The following AGPS variants were observed in gnomAD, a reference collection of about 807,000 sequenced individuals.
AGPS encodes the protein alkylglycerone phosphate synthase.
A neutral mutation model predicts 90.7 loss-of-function variants in AGPS; 26 were observed. The ratio of observed to expected loss-of-function variants is 0.29; its 90% CI spans 0.21 to 0.40. AGPS has a LOEUF of 0.40. Among genes scored for constraint, AGPS ranks in the 10% least tolerant of loss-of-function variants. The pLI, the probability that AGPS is intolerant of heterozygous loss-of-function variation, is 1.00. For synonymous variants in AGPS, 294 were observed against 285.3 expected (o/e 1.03, Z -0.31); for missense variants, 540 against 816.1 (o/e 0.66, Z 4.12).
intron 17 of AGPS, among the ~76,000 whole-genome samples, chr2:177,517,950 C>T (rs1472398160): frequency 6.6e-6 from 1 of 152,094 alleles, no homozygotes; most frequent in Non-Finnish European, 1.5e-5. Flanking sequence ...TGATCAAATT[C>T]AAGTTACACA....
At chr2:177,397,512 A>G (rs1263964934) in intron 1 of AGPS, among the ~76,000 whole-genome samples, 1 of 151,118 alleles carries the variant, frequency 6.6e-6, no homozygotes, top group Non-Finnish European at 1.5e-5. Context: ...CGAAAAAGAG[A>G]AGAAAAAATA....
intron 2 of AGPS, among the ~76,000 whole-genome samples, chr2:177,426,571 A>G (rs1686086828): frequency 6.6e-6 from 1 of 152,148 alleles, no homozygotes; most frequent in Non-Finnish European, 1.5e-5. Context: ...TGGTCCTTCA[A>G]TCCTTACTTT....
chr2:177,402,203 ATT>A (rs1685351074), intron 1 of AGPS, among the ~76,000 whole-genome samples: 1 of 152,248 alleles, frequency 6.6e-6, no homozygotes, highest in Non-Finnish European at 1.5e-5. Flanking sequence ...AAAACATGAC[ATT>A]TGAGCAGATA....
At position 177,508,434 on chromosome 2, in the gene AGPS, A is replaced by G. The variant is rs181742224; in HGVS notation, c.1607+403A>G. The stretch of plus-strand genomic sequence containing the variant: ...CCTTTATAATATTATTTAGTTTTTG[A>G]TATTTGTATGTGTAAAAATGGGAAT... On this transcript the variant is annotated intron_variant, in intron 16 of 19. Transcript: ENST00000264167. 3.8e-4 allele frequency among the ~76,000 whole-genome samples: 58 copies of G among 152,294 alleles called. No homozygotes were observed. The East Asian group carries it at 9.4e-3, about 25-fold the overall frequency.
intron 9 of AGPS, among the ~76,000 whole-genome samples, chr2:177,464,698 C>G (rs1435272805): frequency 6.6e-6 from 1 of 152,214 alleles, no homozygotes; most frequent in Non-Finnish European, 1.5e-5. Context: ...CTGAGCATAT[C>G]TGATTACACT....
At chr2:177,516,708 A>T (rs1470435836) in intron 17 of AGPS, among the ~76,000 whole-genome samples, 1 of 152,156 alleles carries the variant, frequency 6.6e-6, no homozygotes, top group Non-Finnish European at 1.5e-5. Context: ...ATAATGCTCT[A>T]TTAATATTTA....
chr2:177,452,602 G>A (rs980473329), intron 8 of AGPS, among the ~76,000 whole-genome samples: 2 of 152,040 alleles, frequency 1.3e-5, no homozygotes, highest in Non-Finnish European at 2.9e-5. Flanking sequence ...CATATAATTG[G>A]TTCTTTTCTT....
intron 1 of AGPS, among the ~76,000 whole-genome samples, chr2:177,408,620 C>T (rs1009171949): frequency 2.0e-5 from 3 of 152,200 alleles, no homozygotes; most frequent in South Asian, 4.1e-4. Flanking sequence ...AGTGCTGCCA[C>T]TTTGCCCTCT....
rs964370877 is a variant in AGPS, at chr2:177,510,379, C to T, written c.1607+2348C>T. Among the ~76,000 whole-genome samples, 5 of 152,304 alleles carry T rather than the reference C, an allele frequency of 3.3e-5. No individual in the cohort carries two copies. The South Asian group carries it at 8.3e-4, about 25-fold the overall frequency. On this transcript the variant is annotated intron_variant, in intron 16 of 19. Transcript: ENST00000264167. ...TCCACCCACAGGACCTAATGACCCA[C>T]CTTCTAATACCATCTAACTGGGGCT...
chr2:177,409,746 A>G (rs972745297), intron 1 of AGPS, among the ~76,000 whole-genome samples: 1 of 152,150 alleles, frequency 6.6e-6, no homozygotes, highest in African/African-American at 2.4e-5. Flanking sequence ...AGGCCGGTCT[A>G]GGGGTCCGCA....
chr2:177,490,964 T>C (rs1379011514), intron 11 of AGPS, among the ~76,000 whole-genome samples: 1 of 149,618 alleles, frequency 6.7e-6, no homozygotes, highest in Non-Finnish European at 1.5e-5. Context: ...CAAGTGATTC[T>C]CCTGCCTCAG....
intron 17 of AGPS, 21 bp downstream of exon 17, chr2:177,513,929 T>A: frequency 6.5e-7 from 1 of 1,538,886 alleles, no homozygotes; most frequent in Non-Finnish European, 9.0e-7. Flanking sequence ...AAAATTGTTC[T>A]TATACTTCTT....
At chr2:177,466,845 C>T (rs1355945740) in intron 9 of AGPS, among the ~76,000 whole-genome samples, 1 of 151,982 alleles carries the variant, frequency 6.6e-6, no homozygotes, top group Non-Finnish European at 1.5e-5. Flanking sequence ...GTAGAGATGC[C>T]TGGGTCTGCA....
chr2:177,446,147 T>A (rs1393277547), intron 8 of AGPS, among the ~76,000 whole-genome samples: 1 of 71,186 alleles, frequency 1.4e-5, no homozygotes, highest in African/African-American at 5.1e-5. Context: ...GGGTGACTGT[T>A]ACTTTTTTTT....
chr2:177,442,048 G>T (rs1469309393), intron 6 of AGPS, among the ~76,000 whole-genome samples: 1 of 152,112 alleles, frequency 6.6e-6, no homozygotes, highest in Admixed American at 6.5e-5. Context: ...TATAGGATGG[G>T]TCTTTTTTTC....
intron 1 of AGPS, chr2:177,393,626 T>C (rs1346061218): frequency 1.0e-6 from 1 of 962,628 alleles, no homozygotes; most frequent in East Asian, 1.1e-4. Flanking sequence ...AAACACTAGC[T>C]AGTGGTTTAA....
chr2:177,406,506 T>C (rs546849987), intron 1 of AGPS, among the ~76,000 whole-genome samples: 2 of 152,306 alleles, frequency 1.3e-5, no homozygotes, highest in East Asian at 3.9e-4. Context: ...ACAGGGGATA[T>C]ATACAGGAAG....
In AGPS at chr2:177,409,212, C is replaced by G. The variant is rs145595223; in HGVS notation, c.261-11057C>G. On this transcript the variant is annotated intron_variant, in intron 1 of 19. Transcript: ENST00000264167. Reference sequence around the variant, plus strand: ...TTAAGTAAAACAAACCAAAAAAAACCCAACTACTGTTTTGTTTTGTTTTTT... The same window carrying G: ...TTAAGTAAAACAAACCAAAAAAAACGCAACTACTGTTTTGTTTTGTTTTTT... 3.4e-5 allele frequency among the ~76,000 whole-genome samples: 5 copies of G among 145,568 alleles called. No homozygotes were observed. In the South Asian group the frequency reaches 8.6e-4, roughly 25 times the overall value.
At chr2:177,470,306 G>T (rs16865291) in intron 10 of AGPS, among the ~76,000 whole-genome samples, 15,502 of 152,220 alleles carry the variant, frequency 0.1, 1,155 homozygotes, top group East Asian at 0.34. Flanking sequence ...CTTTTAAAAT[G>T]ATTTGAACTT....
Sources: allele counts gnomAD v4.1 joint callset (sites outside exome capture counted in the v4.1 genomes callset), GRCh38; gene constraint gnomAD v4.1.1; transcripts MANE v1.5; gene names NCBI Gene and HGNC (gene_info 2026-07-23, HGNC 2026-07-21).